Variants in ENPEP observed in about 807,000 individuals in gnomAD.
ENPEP encodes AP-A.
Under a neutral mutation model 114.5 loss-of-function variants are expected in ENPEP, and 103 were observed. That is an observed-to-expected ratio of 0.90 (90% CI 0.77 to 1.06). ENPEP has a LOEUF of 1.06. Among genes scored for constraint, ENPEP ranks in the 50% least tolerant of loss-of-function variants. The probability of loss-of-function intolerance (pLI) is 0.00; values close to 1 mark genes in which losing one functional copy is unlikely to be tolerated. For missense variants in ENPEP, 1,196 were observed against 1,161.3 expected (o/e 1.03, Z -0.43); for synonymous variants, 420 against 422.0 (o/e 1.00, Z 0.06).
In ENPEP at chr4:110,530,360, G is replaced by C. The variant is rs185781651; in HGVS notation, c.1728-838G>C. The stretch of plus-strand genomic sequence containing the variant: ...TTGTTATATCTTGAAAAGGTGAAAT[G>C]TTAACCCTAATTCTCTGTTAGGGAA... On this transcript the variant is annotated intron_variant, in intron 10 of 19. Coordinates refer to ENST00000265162, the MANE Select transcript of ENPEP (RefSeq NM_001977.4). Among the ~76,000 whole-genome samples the C allele has an allele frequency of 7.9e-5, 12 of 152,264 alleles. No individual in the cohort carries two copies. The East Asian group carries it at 2.3e-3, about 29-fold the overall frequency.
At chr4:110,519,008 G>T (rs1725883441) in intron 8 of ENPEP, 2 of 445,340 alleles carry the variant, frequency 4.5e-6, no homozygotes, top group African/African-American at 4.0e-5. Context: ...AAGATATGAT[G>T]AATGATTTGT....
intron 1 of ENPEP, among the ~76,000 whole-genome samples, chr4:110,487,901 A>G (rs1410771119): frequency 2.0e-5 from 3 of 152,218 alleles, no homozygotes; most frequent in Admixed American, 6.5e-5. Context: ...AGAGCCATAA[A>G]AAAAAATGCT....
At chr4:110,543,826 T>A (rs1053924459) in intron 13 of ENPEP, among the ~76,000 whole-genome samples, 1 of 152,048 alleles carries the variant, frequency 6.6e-6, no homozygotes, top group Admixed American at 6.6e-5. Context: ...TAGCCTCCCA[T>A]GGCCTCTTTC....
chr4:110,531,384 C>T lies in ENPEP; in HGVS notation c.1807+107C>T, dbSNP rs572389370. 1.1e-5 allele frequency: 9 copies of T among 832,028 alleles called. No homozygotes were observed. The South Asian group carries it at 1.1e-4, about 11-fold the overall frequency. The allele number at this position is 832,028 out of a possible 1,614,324, so 51.5% of individuals were successfully genotyped here. A position where few individuals can be genotyped will look rare whatever the true frequency, so the allele number is the denominator to read the frequency against. ...AAGCTGGAACTTATGTAAACTTCAG[C>T]TAAGTGATCTCTTAAATAATTTATT... On this transcript the variant is annotated intron_variant, in intron 11 of 19. Transcript: ENST00000265162.
intron 3 of ENPEP, among the ~76,000 whole-genome samples, chr4:110,502,440 G>A (rs1725198967): frequency 6.6e-6 from 1 of 152,072 alleles, no homozygotes; most frequent in African/African-American, 2.4e-5. Context: ...GTCTTGAGTT[G>A]ACTTTTGTAT....
intron 1 of ENPEP, among the ~76,000 whole-genome samples, chr4:110,486,664 C>T (rs1399852534): frequency 2.0e-5 from 3 of 152,172 alleles, no homozygotes; most frequent in Admixed American, 6.5e-5. Flanking sequence ...GCTGTCATCA[C>T]TCTCCTAAGT....
At chr4:110,542,570 G>T (rs1025907387) in intron 11 of ENPEP, among the ~76,000 whole-genome samples, 181 bp from the exon 12 acceptor site, 12 of 151,984 alleles carry the variant, frequency 7.9e-5, no homozygotes, top group African/African-American at 1.2e-4. Context: ...TCATTATAGT[G>T]GTATTCTAAA....
chr4:110,545,956 G>C lies in ENPEP; in HGVS notation c.2001-2220G>C, dbSNP rs144350203. On this transcript the variant is annotated intron_variant, in intron 13 of 19. Transcript: ENST00000265162. ...CTCAGGGTGTCAGACACCAAGCCAC[G>C]GTGCCTCCAAGTTCCAGGAGACACA... Among the ~76,000 whole-genome samples the C allele has an allele frequency of 3.9e-5, 6 of 151,982 alleles. No homozygotes were observed. In the East Asian group the frequency reaches 1.2e-3, roughly 30 times the overall value.
chr4:110,486,886 C>T (rs778606089), intron 1 of ENPEP, among the ~76,000 whole-genome samples: 22 of 152,062 alleles, frequency 1.4e-4, no homozygotes, highest in Non-Finnish European at 2.9e-4. Flanking sequence ...TTTGTCTCCC[C>T]GAACATTTGG....
At chr4:110,501,010 A>G (rs756883547) in intron 3 of ENPEP, among the ~76,000 whole-genome samples, 3 of 152,178 alleles carry the variant, frequency 2.0e-5, no homozygotes, top group Non-Finnish European at 2.9e-5. Context: ...ACCAAATCCA[A>G]GCATCACAGA....
At chr4:110,510,716 G>A (rs958841719) in intron 6 of ENPEP, among the ~76,000 whole-genome samples, 2 of 151,958 alleles carry the variant, frequency 1.3e-5, no homozygotes, top group Non-Finnish European at 2.9e-5. Flanking sequence ...ATTTGTGAAC[G>A]ACTTACTTTA....
intron 19 of ENPEP, among the ~76,000 whole-genome samples, chr4:110,561,179 G>A (rs1218113610): frequency 6.6e-6 from 1 of 152,304 alleles, no homozygotes; most frequent in Admixed American, 6.5e-5. Context: ...CAAAATGTCA[G>A]AGCCTATTTT....
At chr4:110,513,216 A>T (rs1310041586) in intron 6 of ENPEP, 199 bp from the exon 7 acceptor site, 5 of 428,446 alleles carry the variant, frequency 1.2e-5, no homozygotes, top group Non-Finnish European at 1.9e-5. Flanking sequence ...GAAAATTAAA[A>T]GGAATTAGAA....
chr4:110,540,483 A>G (rs901226862), intron 11 of ENPEP, among the ~76,000 whole-genome samples: 1 of 152,206 alleles, frequency 6.6e-6, no homozygotes, highest in African/African-American at 2.4e-5. Flanking sequence ...TTTTAATCTT[A>G]CTAGAGTATT....
intron 2 of ENPEP, among the ~76,000 whole-genome samples, chr4:110,489,025 A>C (rs1371576015): frequency 6.6e-6 from 1 of 152,174 alleles, no homozygotes; most frequent in Non-Finnish European, 1.5e-5. Flanking sequence ...AAAATATTTG[A>C]GGGCTACTCA....
chr4:110,531,325 A>AT (rs750041144), intron 11 of ENPEP, 48 bp downstream of exon 11: 11 of 1,314,132 alleles, frequency 8.4e-6, no homozygotes, highest in Non-Finnish European at 1.0e-5. Context: ...GATGTACCAC[A>AT]TTAAACTAAT....
rs764795053 is a variant in ENPEP, at chr4:110,506,662, A to G, written c.944A>G (p.Gln315Arg). 1 of 1,609,450 alleles carries G rather than the reference A, an allele frequency of 6.2e-7. No homozygotes were observed. The highest frequency in any genetic ancestry group is 8.5e-7 in the Non-Finnish European group (1 of 1,178,132). Residue 315 changes from glutamine (Q) to arginine (R), a missense_variant, in exon 4 of 20, where the codon CAA (glutamine) becomes CGA (arginine). Coordinates refer to ENST00000265162, the MANE Select transcript of ENPEP (RefSeq NM_001977.4). Reference sequence around the variant, plus strand: ...CTTACAATTTATGTCCAGCCAGAGCAAAAGCACACAGCCGAATATGCTGCA... The same window carrying G: ...CTTACAATTTATGTCCAGCCAGAGCGAAAGCACACAGCCGAATATGCTGCA... ...KPLTIYVQPE[Q>R]KHTAEYAANI...
rs141140369 is a variant in ENPEP, at chr4:110,497,946, C to T, written c.918+6782C>T. On this transcript the variant is annotated intron_variant, in intron 3 of 19. Coordinates refer to ENST00000265162, the MANE Select transcript of ENPEP (RefSeq NM_001977.4). Reference sequence around the variant, plus strand: ...AACATAAACTTTATAAAATTTAACACATTAATGGCATGTTCAGTAATACCA... The same window carrying T: ...AACATAAACTTTATAAAATTTAACATATTAATGGCATGTTCAGTAATACCA... Among the ~76,000 whole-genome samples, 140 of 152,246 alleles carry T rather than the reference C, an allele frequency of 9.2e-4. 2 individuals carry two copies. The highest frequency in any genetic ancestry group is 3.3e-3 in the African/African-American group (135 of 41,538).
chr4:110,492,672 G>A (rs1166688725), intron 3 of ENPEP, among the ~76,000 whole-genome samples: 1 of 152,224 alleles, frequency 6.6e-6, no homozygotes, highest in African/African-American at 2.4e-5. Flanking sequence ...GTGGCTGATA[G>A]ATAATACTGG....
Sources: allele counts gnomAD v4.1 joint callset (sites outside exome capture counted in the v4.1 genomes callset), GRCh38; gene constraint gnomAD v4.1.1; transcripts MANE v1.5; gene names NCBI Gene and HGNC (gene_info 2026-07-23, HGNC 2026-07-21).